Variants in DAAM2 observed in about 807,000 individuals in gnomAD.
DAAM2 encodes disheveled-associated activator of morphogenesis 2.
In DAAM2, 39 loss-of-function variants were observed where a neutral mutation model predicts 120.7. The observed-to-expected ratio is 0.32, with a 90% CI of 0.25 to 0.42. The LOEUF is 0.42. Ranked by LOEUF, DAAM2 falls within the 10% of genes least tolerant of loss-of-function variation. The probability of loss-of-function intolerance (pLI) is 1.00; values close to 1 mark genes in which losing one functional copy is unlikely to be tolerated. For missense variants in DAAM2, 1,283 were observed against 1,401.7 expected, an observed-to-expected ratio of 0.92 and a Z score of 1.35; for synonymous variants, 488 against 524.9, an observed-to-expected ratio of 0.93 and a Z score of 0.96.
chr6:39,884,377 C>T (rs1423989172), intron 15 of DAAM2: 5 of 256,980 alleles, frequency 1.9e-5, no homozygotes, highest in Non-Finnish European at 3.0e-5. Context: ...GTGTTTTGTC[C>T]ATTTCTCTCT....
chr6:39,811,800 C>T (rs1170722166), intron 1 of DAAM2, among the ~76,000 whole-genome samples: 2 of 152,286 alleles, frequency 1.3e-5, no homozygotes, highest in South Asian at 2.1e-4. Context: ...GTGGCAGGAA[C>T]TCAGCCCCTG....
chr6:39,890,697 G>A (rs940836454), intron 17 of DAAM2, among the ~76,000 whole-genome samples: 2 of 152,180 alleles, frequency 1.3e-5, no homozygotes, highest in African/African-American at 4.8e-5. Context: ...AAAAATCACT[G>A]AACTGCACAT....
chr6:39,844,569 G>C (rs1393353204), intron 1 of DAAM2, among the ~76,000 whole-genome samples: 1 of 152,118 alleles, frequency 6.6e-6, no homozygotes, highest in Non-Finnish European at 1.5e-5. Flanking sequence ...CTCAGTCTCC[G>C]GTCTATGGCG....
intron 1 of DAAM2, among the ~76,000 whole-genome samples, chr6:39,844,324 T>A (rs767566026): frequency 2.0e-5 from 3 of 152,038 alleles, no homozygotes; most frequent in Non-Finnish European, 4.4e-5. Context: ...AGGGGAGGTA[T>A]GCCCCATTGT....
At chr6:39,877,972 G>A (rs570490530) in intron 11 of DAAM2, among the ~76,000 whole-genome samples, 22 of 152,284 alleles carry the variant, frequency 1.4e-4, no homozygotes, top group Admixed American at 1.0e-3. Context: ...AAGGGGCCGG[G>A]TTATAGGGTA....
At chr6:39,813,424 C>G in intron 1 of DAAM2, among the ~76,000 whole-genome samples, 1 of 152,066 alleles carries the variant, frequency 6.6e-6, no homozygotes, top group Admixed American at 6.6e-5. Context: ...AGAAAGCAAC[C>G]TCTTATGGCT....
At chr6:39,897,050 CTCTATTAGGACGGGAACATCCT>C (rs1279987776) in intron 20 of DAAM2, 70 bp downstream of exon 20, 17 of 1,549,746 alleles carry the variant, frequency 1.1e-5, no homozygotes, top group Non-Finnish European at 7.0e-6. Flanking sequence ...CACATCCTCC[CTCTATTAGGACGGGAACATCCT>C]AAGACTCATC....
At chr6:39,869,990 T>C (rs1764593529) in intron 7 of DAAM2, among the ~76,000 whole-genome samples, 2 of 152,024 alleles carry the variant, frequency 1.3e-5, no homozygotes, top group South Asian at 4.1e-4. Context: ...ATGGGGAAAC[T>C]AAAAGTTTTC....
At chr6:39,889,099 A>T (rs1333642369) in intron 17 of DAAM2, 1 of 176,786 alleles carries the variant, frequency 5.7e-6, no homozygotes, top group African/African-American at 2.3e-5. Flanking sequence ...ACTTCATTAC[A>T]GTTAAGAACT....
chr6:39,861,237 A>T (rs1764199621), intron 3 of DAAM2: 1 of 613,564 alleles, frequency 1.6e-6, no homozygotes, highest in Non-Finnish European at 3.0e-6. Flanking sequence ...CGCTTAAAGC[A>T]GGACCTGCTG....
At chr6:39,820,750 G>A (rs1041849013) in intron 1 of DAAM2, 1 of 152,158 alleles carries the variant, frequency 6.6e-6, no homozygotes, top group Non-Finnish European at 1.5e-5. Context: ...TAAGACCTTG[G>A]CAATTTACTA....
chr6:39,881,761 C>T (rs974407655), intron 14 of DAAM2: 4 of 152,112 alleles, frequency 2.6e-5, no homozygotes, highest in African/African-American at 9.7e-5. Context: ...TGATTTCCTA[C>T]ATACAAAGTA....
Position 39,878,889 on chromosome 6 carries a change from C to T in DAAM2, c.1546-289C>T, listed in dbSNP as rs1449628406. On this transcript the variant is annotated intron_variant, in intron 13 of 24. Transcript: ENST00000274867. The surrounding 1 kb of genome is among the most constrained non-coding windows in gnomAD (Gnocchi z 5.0). Reference sequence around the variant, plus strand: ...GAGATCTTGTGCAGTCAGTAACCTACACAACTGCATAGATCAGTCCTGCTG... The same window carrying T: ...GAGATCTTGTGCAGTCAGTAACCTATACAACTGCATAGATCAGTCCTGCTG... 6.6e-6 allele frequency among the ~76,000 whole-genome samples: 1 copy of T among 152,190 alleles called. No homozygotes were observed. Among genetic ancestry groups the T allele is most frequent in the Non-Finnish European group, 1.5e-5 (1 of 68,032 alleles).
rs187649826 is a variant in DAAM2, at chr6:39,808,996, A to G, written c.-57+16531A>G. Among the ~76,000 whole-genome samples, 1,021 of 152,342 alleles carry G rather than the reference A, an allele frequency of 6.7e-3. 6 individuals are homozygous for G. Among genetic ancestry groups the G allele is most frequent in the African/African-American group, 0.022 (931 of 41,564 alleles). On this transcript the variant is annotated intron_variant, in intron 1 of 24. Coordinates refer to ENST00000274867, the MANE Select transcript of DAAM2 (RefSeq NM_001201427.2). Reference sequence around the variant, plus strand: ...CTCTGTCAGTCAGGCTCCAGGCAGGAAGCAGTTGGCACTCCCAAAAGGGTT... The same window carrying G: ...CTCTGTCAGTCAGGCTCCAGGCAGGGAGCAGTTGGCACTCCCAAAAGGGTT...
chr6:39,899,767 G>A (rs773023435), intron 22 of DAAM2: 40 of 243,856 alleles, frequency 1.6e-4, no homozygotes, highest in Non-Finnish European at 2.8e-4. Flanking sequence ...TTGTAAAGAT[G>A]AGTCTTGTTA....
chr6:39,904,078 G>A lies in DAAM2; in HGVS notation c.*2041G>A. ...TCAACCTAACCCCCTCAGGGGCAGG[G>A]AACAGGGGAGGGCTCCACAAGCGTG... On this transcript the variant is annotated 3_prime_UTR_variant, in exon 25 of 25. Transcript: ENST00000274867. 1 of 414,318 alleles carries A rather than the reference G, an allele frequency of 2.4e-6. No homozygotes were observed. The highest frequency in any genetic ancestry group is 4.8e-6 in the Non-Finnish European group (1 of 207,982). 25.7% of individuals were successfully genotyped at this position (414,318 alleles called of 1,614,324 possible).
intron 1 of DAAM2, among the ~76,000 whole-genome samples, chr6:39,816,217 T>C (rs1762305163): frequency 6.6e-6 from 1 of 152,240 alleles, no homozygotes; most frequent in Non-Finnish European, 1.5e-5. Flanking sequence ...ATTTCTAACA[T>C]GTTCACAGGT....
intron 1 of DAAM2, among the ~76,000 whole-genome samples, chr6:39,797,623 C>T (rs1447808766): frequency 2.0e-5 from 3 of 152,178 alleles, no homozygotes; most frequent in Non-Finnish European, 2.9e-5. Flanking sequence ...GGAACCTAGG[C>T]GTCCACAGTT....
chr6:39,813,888 T>C (rs1447387118), intron 1 of DAAM2, among the ~76,000 whole-genome samples: 1 of 152,260 alleles, frequency 6.6e-6, no homozygotes, highest in Non-Finnish European at 1.5e-5. Context: ...TTTTATCTTC[T>C]GGTTAGTATT....
Sources: gnomAD v4.1 joint callset for allele counts (sites outside exome capture counted in the v4.1 genomes callset) on GRCh38, gnomAD v4.1.1 for gene constraint, Gnocchi (gnomAD v3.1) non-coding constraint, MANE v1.5 for transcripts, NCBI Gene and HGNC (gene_info 2026-07-23, HGNC 2026-07-21) for gene names.